Variants in IQCM observed in about 807,000 individuals in gnomAD.
IQCM encodes the protein IQ motif containing M, also known as IQ domain-containing protein M.
Under a neutral mutation model 57.6 loss-of-function variants are expected in IQCM, and 45 were observed. That is an observed-to-expected ratio of 0.78 (90% confidence interval 0.62 to 1.00). IQCM has a LOEUF of 1.00. Among genes scored for constraint, IQCM ranks in the 50% least tolerant of loss-of-function variants. IQCM has a pLI of 0.00. For synonymous variants in IQCM, 148 were observed against 158.9 expected (o/e 0.93, Z 0.51); for missense variants, 468 against 511.6 (o/e 0.91, Z 0.82).
chr4:149,466,288 T>A (rs1439310587), intron 12 of IQCM, among the ~76,000 whole-genome samples: 2 of 152,186 alleles, frequency 1.3e-5, no homozygotes, highest in Non-Finnish European at 2.9e-5. Context: ...ACTTTCTTCA[T>A]TTTGGATCAT....
At chr4:149,769,928 A>G (rs574663601) in intron 2 of IQCM, among the ~76,000 whole-genome samples, 1 of 152,242 alleles carries the variant, frequency 6.6e-6, no homozygotes, top group East Asian at 1.9e-4. Context: ...GCAACTTGAC[A>G]TAACTGGCAT....
intron 12 of IQCM, among the ~76,000 whole-genome samples, chr4:149,536,268 G>A (rs1747283503): frequency 6.6e-6 from 1 of 151,944 alleles, no homozygotes; most frequent in South Asian, 2.1e-4. Flanking sequence ...ATCCCATGGG[G>A]AAAAGCAATC....
At position 149,463,468 on chromosome 4, in the gene IQCM, A is replaced by G. The variant is rs188074328; in HGVS notation, c.1229-29911T>C. Among the ~76,000 whole-genome samples the G allele has an allele frequency of 1.1e-3, 175 of 152,330 alleles. 1 individual carries two copies. Among genetic ancestry groups the G allele is most frequent in the African/African-American group, 4.1e-3 (172 of 41,590 alleles). On this transcript the variant is annotated intron_variant, in intron 12 of 13. Coordinates refer to ENST00000636793, the MANE Select transcript of IQCM (RefSeq NM_001363507.2). ...TTTCTCTCTCCTGCAACACTAAAGT[A>G]TAATCCTAGCTAACAGACAGGTCGT...
Position 149,373,758 on chromosome 4 carries a change from G to A in IQCM, c.1391-21692C>T, listed in dbSNP as rs186903240. ...ATATTGATTCTGTCATGGATATTGTGGGTTGACTCCTCACTTCTGGCCATC... is the reference window on the plus strand; with the variant it reads ...ATATTGATTCTGTCATGGATATTGTAGGTTGACTCCTCACTTCTGGCCATC... On this transcript the variant is annotated intron_variant, in intron 13 of 13. Transcript: ENST00000636793. 3.1e-3 allele frequency among the ~76,000 whole-genome samples: 470 copies of A among 151,726 alleles called. 6 individuals carry two copies. The highest frequency in any genetic ancestry group is 0.011 in the African/African-American group (453 of 41,382).
chr4:149,578,969 T>A (rs1158270710), intron 9 of IQCM, among the ~76,000 whole-genome samples: 3 of 151,876 alleles, frequency 2.0e-5, no homozygotes, highest in African/African-American at 7.2e-5. Flanking sequence ...ACCCTCTTAA[T>A]GTGTTCCTCC....
Position 149,504,061 on chromosome 4 carries a change from T to TA in IQCM, c.1228+44393dup, listed in dbSNP as rs967338026. Among the ~76,000 whole-genome samples, 14 of 151,304 alleles carry TA rather than the reference T, an allele frequency of 9.3e-5. 1 individual carries two copies. The highest frequency in any genetic ancestry group is 2.0e-4 in the Admixed American group (3 of 15,194). On this transcript the variant is annotated intron_variant, in intron 12 of 13. Coordinates refer to ENST00000636793, the MANE Select transcript of IQCM (RefSeq NM_001363507.2). ...AGACTCATTCTTACTAGCCAATGAA[T>TA]AAAAAAAAATTAAAACAATACTCTG...
chr4:149,449,776 A>G (rs1290677223), intron 12 of IQCM, among the ~76,000 whole-genome samples: 10 of 151,848 alleles, frequency 6.6e-5, no homozygotes, highest in South Asian at 2.1e-4. Context: ...AAATGTACAT[A>G]CTACCCAAAG....
In IQCM at chr4:149,621,163, G is replaced by A. The variant is rs1335447698; in HGVS notation, c.647C>T (p.Ser216Phe). 11 of 1,231,128 alleles carry A rather than the reference G, an allele frequency of 8.9e-6. No individual in the cohort carries two copies. Among genetic ancestry groups the A allele is most frequent in the South Asian group, 4.1e-5 (1 of 24,310 alleles). 76.3% of individuals were successfully genotyped at this position (1,231,128 alleles called of 1,614,324 possible). A position where few individuals can be genotyped will look rare whatever the true frequency, so the allele number is the denominator to read the frequency against. The change falls in exon 8 of 14, where the codon TCT (serine) becomes TTT (phenylalanine). Residue 216 changes from serine (S) to phenylalanine (F), a missense_variant. By Grantham distance (155) the Ser-to-Phe change is radical. Transcript: ENST00000636793. ...ATCCCGAAATATTGATGATGATTGA[G>A]AGAAACTAACTCGACGGGAGTCACA... Reference protein sequence around the residue: ...LACDSRRVSFSQSSSIFRDYY... With the variant: ...LACDSRRVSFFQSSSIFRDYY...
intron 8 of IQCM, among the ~76,000 whole-genome samples, chr4:149,604,458 A>AATGAATAC (rs1425325656): frequency 1.3e-5 from 2 of 152,208 alleles, no homozygotes; most frequent in Non-Finnish European, 2.9e-5. Flanking sequence ...TCTATTGTTT[A>AATGAATAC]ATGAATACAT....
chr4:149,584,013 A>G (rs1437870370), intron 9 of IQCM, among the ~76,000 whole-genome samples: 1 of 151,596 alleles, frequency 6.6e-6, no homozygotes, highest in Non-Finnish European at 1.5e-5. Flanking sequence ...TGTATACACT[A>G]TCATTCATGT....
intron 5 of IQCM, among the ~76,000 whole-genome samples, chr4:149,697,290 C>T (rs1182959266): frequency 6.6e-6 from 1 of 151,988 alleles, no homozygotes; most frequent in East Asian, 1.9e-4. Context: ...CTGATTTGTA[C>T]CCGTATTCAA....
intron 5 of IQCM, among the ~76,000 whole-genome samples, chr4:149,702,843 T>G (rs1265569752): frequency 2.0e-5 from 3 of 151,960 alleles, no homozygotes; most frequent in Non-Finnish European, 1.5e-5. Context: ...AGAGTAACTT[T>G]TTTATCTGAG....
intron 2 of IQCM, among the ~76,000 whole-genome samples, chr4:149,747,529 T>G (rs1163103188): frequency 2.6e-5 from 4 of 152,330 alleles, no homozygotes; most frequent in African/African-American, 9.6e-5. Context: ...CAGACACAAT[T>G]GTCCATTTTT....
intron 2 of IQCM, among the ~76,000 whole-genome samples, chr4:149,768,465 T>C (rs184753667): frequency 2.0e-5 from 3 of 152,236 alleles, no homozygotes; most frequent in Admixed American, 2.0e-4. Flanking sequence ...AAAAATTAAG[T>C]AGAGACATTA....
chr4:149,644,230 G>A lies in IQCM; in HGVS notation c.566-22986C>T, dbSNP rs573513385. 9.9e-5 allele frequency among the ~76,000 whole-genome samples: 15 copies of A among 152,104 alleles called. No homozygotes were observed. The South Asian group carries it at 3.1e-3, about 32-fold the overall frequency. ...AAAAGCATTTAAATATATACCTACA[G>A]CTTTTGATAGTGGGCCACTTAGCAG... is the stretch of plus-strand genomic sequence containing the variant. On this transcript the variant is annotated intron_variant, in intron 7 of 13. Transcript: ENST00000636793.
At chr4:149,636,538 C>T (rs1258954206) in intron 7 of IQCM, among the ~76,000 whole-genome samples, 1 of 152,168 alleles carries the variant, frequency 6.6e-6, no homozygotes, top group Non-Finnish European at 1.5e-5. Context: ...AATCCAAACA[C>T]TGCATAAATG....
At chr4:149,764,874 A>C (rs1769891174) in intron 2 of IQCM, among the ~76,000 whole-genome samples, 1 of 152,112 alleles carries the variant, frequency 6.6e-6, no homozygotes, top group Non-Finnish European at 1.5e-5. Flanking sequence ...AGGTTTTACT[A>C]CTTCAACCAT....
chr4:149,442,622 T>C (rs1387249083), intron 12 of IQCM, among the ~76,000 whole-genome samples: 2 of 152,152 alleles, frequency 1.3e-5, no homozygotes, highest in Non-Finnish European at 2.9e-5. Context: ...CATTTCCTCT[T>C]GGGCTCTCAA....
chr4:149,417,820 CTT>C (rs370591152), intron 13 of IQCM, among the ~76,000 whole-genome samples: 16 of 134,702 alleles, frequency 1.2e-4, no homozygotes, highest in Admixed American at 2.3e-4. Context: ...TCCCTTTTTC[CTT>C]TTTTTTTTTT....
Sources: gnomAD v4.1 joint callset for allele counts (sites outside exome capture counted in the v4.1 genomes callset) on GRCh38, gnomAD v4.1.1 for gene constraint, MANE v1.5 for transcripts, NCBI Gene and HGNC (gene_info 2026-07-23, HGNC 2026-07-21) for gene names.